CYB561: variants seen among roughly 807,000 people sequenced by gnomAD.
CYB561 encodes cytochrome b561.
Under a neutral mutation model 25.3 loss-of-function variants are expected in CYB561, and 11 were observed. The observed-to-expected ratio is 0.44, with a 90% CI of 0.27 to 0.72. The LOEUF is 0.72. Among genes scored for constraint, CYB561 ranks in the 30% least tolerant of loss-of-function variants. CYB561 has a pLI of 0.18. For synonymous variants in CYB561, 165 were observed against 158.8 expected (o/e 1.04, Z -0.29); for missense variants, 295 against 334.9 (o/e 0.88, Z 0.93).
chr17:63,445,446 C>T (rs543389024), intron 1 of CYB561, among the ~76,000 whole-genome samples: 1 of 144,880 alleles, frequency 6.9e-6, no homozygotes, highest in Non-Finnish European at 1.5e-5. Context: ...CTAGATGTAA[C>T]TTCATTTACG....
Position 63,434,163 on chromosome 17 carries a change from A to G in CYB561, c.*239T>C, listed in dbSNP as rs1403967475. The stretch of plus-strand genomic sequence containing the variant: ...CGAAGTCCTACCCAAAGCCTTCTGC[A>G]CTGAAGGGGGCAACAGAGACACGGG... On this transcript the variant is annotated 3_prime_UTR_variant, in exon 6 of 6. Coordinates refer to ENST00000360793, the MANE Select transcript of CYB561 (RefSeq NM_001915.4). 6 of 506,180 alleles carry G rather than the reference A, an allele frequency of 1.2e-5. No individual in the cohort carries two copies. The highest frequency in any genetic ancestry group is 2.1e-5 in the Non-Finnish European group (6 of 282,318). 31.4% of individuals were successfully genotyped at this position (506,180 alleles called of 1,614,324 possible). A position where few individuals can be genotyped will look rare whatever the true frequency, so the allele number is the denominator to read the frequency against.
chr17:63,433,366 G>T lies in CYB561; in HGVS notation c.*1036C>A. On this transcript the variant is annotated 3_prime_UTR_variant, in exon 6 of 6. Coordinates refer to ENST00000360793, the MANE Select transcript of CYB561 (RefSeq NM_001915.4). Reference sequence around the variant, plus strand: ...ACTCTTTATGGGGCTGGAGTGATGTGCAGACACCACGGGGGATGACTGTAG... The same window carrying T: ...ACTCTTTATGGGGCTGGAGTGATGTTCAGACACCACGGGGGATGACTGTAG... 1 of 398,672 alleles carries T rather than the reference G, an allele frequency of 2.5e-6. No homozygotes were observed. The allele number at this position is 398,672 out of a possible 1,614,324, so 24.7% of individuals were successfully genotyped here. A position where few individuals can be genotyped will look rare whatever the true frequency, so the allele number is the denominator to read the frequency against.
At chr17:63,442,439 G>A (rs1026657408) in intron 1 of CYB561, among the ~76,000 whole-genome samples, 8 of 152,136 alleles carry the variant, frequency 5.3e-5, no homozygotes, top group African/African-American at 1.4e-4. Context: ...GCTTTGAATC[G>A]TGGCCCTCAT....
intron 1 of CYB561, chr17:63,437,970 G>GGGGCCCCCCCCCCCC: frequency 1.6e-6 from 1 of 643,050 alleles, no homozygotes; most frequent in Non-Finnish European, 2.5e-6. Flanking sequence ...TCCCACGGCG[G>GGGGCCCCCCCCCCCC]CCCCGCCACC....
chr17:63,436,493 A>C lies in CYB561; in HGVS notation c.203-341T>G. The C allele has an allele frequency of 1.4e-5, 3 of 213,592 alleles. No homozygotes were observed. Among genetic ancestry groups the C allele is most frequent in the Non-Finnish European group, 1.9e-5 (2 of 104,908 alleles). The allele number at this position is 213,592 out of a possible 1,614,324, so 13.2% of individuals were successfully genotyped here. Reference sequence around the variant, plus strand: ...GCGCCTCTGCCCTCGTCCCCACCTAAAGGAGCTGCCCGGCCCAGCAGACGC... The same window carrying C: ...GCGCCTCTGCCCTCGTCCCCACCTACAGGAGCTGCCCGGCCCAGCAGACGC... On this transcript the variant is annotated intron_variant, in intron 2 of 5. Coordinates refer to ENST00000360793, the MANE Select transcript of CYB561 (RefSeq NM_001915.4). The surrounding 1 kb of genome is among the most constrained non-coding windows in gnomAD (Gnocchi z 4.8).
In CYB561 at chr17:63,433,336, A is replaced by G. The variant is rs2049254045; in HGVS notation, c.*1066T>C. 4 of 398,636 alleles carry G rather than the reference A, an allele frequency of 1.0e-5. No homozygotes were observed. Among genetic ancestry groups the G allele is most frequent in the Non-Finnish European group, 1.8e-5 (4 of 226,120 alleles). The allele number at this position is 398,636 out of a possible 1,614,324, so 24.7% of individuals were successfully genotyped here. ...GAAGCCAAATGGTGACTCAGCTAAC[A>G]TGACACTCTTTATGGGGCTGGAGTG... On this transcript the variant is annotated 3_prime_UTR_variant, in exon 6 of 6. Coordinates refer to ENST00000360793, the MANE Select transcript of CYB561 (RefSeq NM_001915.4).
In CYB561 at chr17:63,437,392, C is replaced by G; in HGVS notation, c.156G>C (p.Ala52=). The G allele has an allele frequency of 1.2e-6, 2 of 1,614,034 alleles. No homozygotes were observed. Among genetic ancestry groups the G allele is most frequent in the Non-Finnish European group, 1.7e-6 (2 of 1,179,982 alleles). The change falls in exon 2 of 6, where the codon GCG becomes GCC. Residue 52 remains alanine (A), a synonymous_variant. Transcript: ENST00000360793. ...IAWESDLQFN[A]HPLCMVIGLI... is the part of the protein sequence containing the mutation. ...GGCCTATGACCATGCAGAGGGGGTG[C>G]GCGTTGAACTGCAGGTCGCTCTCCC...
chr17:63,440,311 G>C, intron 1 of CYB561: 1 of 398,688 alleles, frequency 2.5e-6, no homozygotes, highest in Non-Finnish European at 4.4e-6. Flanking sequence ...TCCGGGCCCA[G>C]GTGACACCTC....
intron 4 of CYB561, 98 bp from the exon 5 acceptor site, chr17:63,435,341 T>A: frequency 7.4e-7 from 1 of 1,347,248 alleles, no homozygotes; most frequent in Non-Finnish European, 1.0e-6. Context: ...GTGGCGACTG[T>A]GAGCCCCTCA....
In CYB561 at chr17:63,435,165, A is replaced by T. The variant is rs781181479; in HGVS notation, c.484T>A (p.Phe162Ile). 1.9e-6 allele frequency: 3 copies of T among 1,614,232 alleles called. No individual in the cohort carries two copies. The highest frequency in any genetic ancestry group is 2.5e-6 in the Non-Finnish European group (3 of 1,180,034). Reference protein sequence around the residue: ...LRSRYRPQHIFFGATIFLLSV... With the variant: ...LRSRYRPQHIIFGATIFLLSV... ...AGGAGGAAGATGGTAGCACCAAAGAAGATGTGCTGTGGGCGGTAGCGGCTC... is the reference window on the plus strand; with the variant it reads ...AGGAGGAAGATGGTAGCACCAAAGATGATGTGCTGTGGGCGGTAGCGGCTC... Residue 162 changes from phenylalanine to isoleucine, a missense_variant, in exon 5 of 6, where the codon TTC (phenylalanine) becomes ATC (isoleucine). By Grantham distance (21) the Phe-to-Ile change is conservative. Coordinates refer to ENST00000360793, the MANE Select transcript of CYB561 (RefSeq NM_001915.4).
rs774994598 is a variant in CYB561, at chr17:63,433,922, G to T, written c.*480C>A. The T allele has an allele frequency of 6.9e-5, 12 of 174,124 alleles. No homozygotes were observed. Among genetic ancestry groups the T allele is most frequent in the Admixed American group, 1.2e-4 (2 of 16,096 alleles). 10.8% of individuals were successfully genotyped at this position (174,124 alleles called of 1,614,324 possible). A position where few individuals can be genotyped will look rare whatever the true frequency, so the allele number is the denominator to read the frequency against. Reference sequence around the variant, plus strand: ...ACATACTTTACACATCATATCACTTGCTCCTCTGCCAAAGGCCGGGCCCAT... The same window carrying T: ...ACATACTTTACACATCATATCACTTTCTCCTCTGCCAAAGGCCGGGCCCAT... On this transcript the variant is annotated 3_prime_UTR_variant, in exon 6 of 6. Coordinates refer to ENST00000360793, the MANE Select transcript of CYB561 (RefSeq NM_001915.4).
chr17:63,435,584 C>G (rs561272792), intron 4 of CYB561, 104 bp downstream of exon 4: 1 of 964,488 alleles, frequency 1.0e-6, no homozygotes, highest in South Asian at 1.4e-5. Context: ...CTGCACACAC[C>G]CCAGAAATCA....
chr17:63,437,310 A>G, intron 2 of CYB561, 36 bp downstream of exon 2: 1 of 1,572,416 alleles, frequency 6.4e-7, no homozygotes, highest in East Asian at 2.2e-5. Flanking sequence ...GGACCCCCAC[A>G]AGCCCGGGAA....
chr17:63,435,327 C>G, intron 4 of CYB561, 84 bp from the exon 5 acceptor site: 1 of 1,463,216 alleles, frequency 6.8e-7, no homozygotes, highest in Non-Finnish European at 9.4e-7. Flanking sequence ...ACCCACGTGC[C>G]CACGTGGCGA....
chr17:63,433,606 A>G lies in CYB561; in HGVS notation c.*796T>C. ...AGCCTGGGAGAGGAAACCAGAGCTGAGCCGCAAGGGGGGTGCTACAAGGAG... is the reference window on the plus strand; with the variant it reads ...AGCCTGGGAGAGGAAACCAGAGCTGGGCCGCAAGGGGGGTGCTACAAGGAG... On this transcript the variant is annotated 3_prime_UTR_variant, in exon 6 of 6. Transcript: ENST00000360793. 2.6e-6 allele frequency: 1 copy of G among 384,708 alleles called. No homozygotes were observed. The highest frequency in any genetic ancestry group is 3.7e-5 in the East Asian group (1 of 27,160). 23.8% of individuals were successfully genotyped at this position (384,708 alleles called of 1,614,324 possible).
At chr17:63,435,346 C>T (rs1430923177) in intron 4 of CYB561, 103 bp from the exon 5 acceptor site, 1 of 1,275,288 alleles carries the variant, frequency 7.8e-7, no homozygotes, top group African/African-American at 1.5e-5. Context: ...GACTGTGAGC[C>T]CCTCAGCCCT....
In CYB561 at chr17:63,443,064, T is replaced by C. The variant is rs114955325; in HGVS notation, c.-14+3181A>G. Among the ~76,000 whole-genome samples the C allele has an allele frequency of 7.1e-3, 1,087 of 152,278 alleles. 12 individuals carry two copies. The highest frequency in any genetic ancestry group is 0.025 in the African/African-American group (1,036 of 41,560). ...AAGACTGTGACTGCGGAAAGGCCGA[T>C]ATCTCTTCTTGATGGGTGAAGGGGA... On this transcript the variant is annotated intron_variant, in intron 1 of 5. Transcript: ENST00000360793.
chr17:63,434,760 C>T, intron 5 of CYB561, 166 bp from the exon 6 acceptor site: 1 of 636,542 alleles, frequency 1.6e-6, no homozygotes, highest in Non-Finnish European at 2.7e-6. Flanking sequence ...CCAGCAATCT[C>T]CAGCTATGGC....
chr17:63,438,654 C>T lies in CYB561; in HGVS notation c.-13-1094G>A, dbSNP rs1027879854. On this transcript the variant is annotated intron_variant, in intron 1 of 5. Coordinates refer to ENST00000360793, the MANE Select transcript of CYB561 (RefSeq NM_001915.4). ...TGAAGGCCCCCAGAAACGAGGCCTG[C>T]GAAGGGGCCGGGTAGAGCTCAGCAC... Among the ~76,000 whole-genome samples, 10 of 152,288 alleles carry T rather than the reference C, an allele frequency of 6.6e-5. No individual in the cohort carries two copies. In the East Asian group the frequency reaches 1.9e-3, roughly 29 times the overall value.
Sources: allele counts gnomAD v4.1 joint callset (sites outside exome capture counted in the v4.1 genomes callset), GRCh38; gene constraint gnomAD v4.1.1; non-coding constraint Gnocchi (gnomAD v3.1); transcripts MANE v1.5; gene names NCBI Gene and HGNC (gene_info 2026-07-23, HGNC 2026-07-21).